VPS54: variants seen among roughly 807,000 people sequenced by gnomAD.
The protein encoded by VPS54 is vacuolar protein sorting-associated protein 54.
In VPS54, 45 loss-of-function variants were observed where a neutral mutation model predicts 121.5. That is an observed-to-expected ratio of 0.37 (90% CI 0.29 to 0.47). VPS54 has a LOEUF of 0.47. Ranked by LOEUF, VPS54 falls within the 20% of genes least tolerant of loss-of-function variation. The pLI is 0.99. For missense variants in VPS54, 1,090 were observed against 1,131.4 expected, an observed-to-expected ratio of 0.96 and a Z score of 0.52; for synonymous variants, 371 against 385.8, an observed-to-expected ratio of 0.96 and a Z score of 0.45.
At chr2:63,921,540 T>A (rs1168423402) in intron 12 of VPS54, among the ~76,000 whole-genome samples, 1 of 152,196 alleles carries the variant, frequency 6.6e-6, no homozygotes, top group Non-Finnish European at 1.5e-5. Flanking sequence ...TATTATTATT[T>A]GTTTTGAGAC....
intron 1 of VPS54, among the ~76,000 whole-genome samples, chr2:64,010,831 A>G (rs1176758317): frequency 6.6e-6 from 1 of 152,202 alleles, no homozygotes; most frequent in Non-Finnish European, 1.5e-5. Context: ...TCATATAAAT[A>G]AGTACTTCTA....
At chr2:64,005,205 G>A (rs1419774597) in intron 1 of VPS54, among the ~76,000 whole-genome samples, 5 of 131,804 alleles carry the variant, frequency 3.8e-5, no homozygotes, top group African/African-American at 5.7e-5. Flanking sequence ...CCAGGTTCAC[G>A]CCATTCTCCT....
chr2:64,014,961 GA>G (rs1456854773), intron 1 of VPS54, among the ~76,000 whole-genome samples: 10 of 151,668 alleles, frequency 6.6e-5, no homozygotes, highest in African/African-American at 1.7e-4. Context: ...GCTCATAGGG[GA>G]AAAAAAGATT....
intron 10 of VPS54, among the ~76,000 whole-genome samples, 166 bp downstream of exon 10, chr2:63,944,434 T>C (rs141890730): frequency 6.6e-6 from 1 of 152,326 alleles, no homozygotes; most frequent in African/African-American, 2.4e-5. Flanking sequence ...TTCTCCTCAA[T>C]TCTGTTAAGC....
At position 63,921,779 on chromosome 2, in the gene VPS54, A is replaced by G. The variant is rs1052210416; in HGVS notation, c.1740-444T>C. On this transcript the variant is annotated intron_variant, in intron 12 of 22. Coordinates refer to ENST00000272322, the MANE Select transcript of VPS54 (RefSeq NM_016516.3). The stretch of plus-strand genomic sequence containing the variant: ...TTTACAAGTGTGAGCCACTGTGCCC[A>G]TCCACAAATGTATTTTGTCATAACC... Among the ~76,000 whole-genome samples, 5 of 152,106 alleles carry G rather than the reference A, an allele frequency of 3.3e-5. No individual in the cohort carries two copies. The Admixed American group carries it at 3.3e-4, about 10-fold the overall frequency.
intron 11 of VPS54, among the ~76,000 whole-genome samples, chr2:63,935,602 T>C (rs547489605): frequency 6.6e-6 from 1 of 152,254 alleles, no homozygotes; most frequent in African/African-American, 2.4e-5. Context: ...TTTCCCATGG[T>C]ACAACAGCCA....
At chr2:63,967,788 G>A (rs192734580) in intron 5 of VPS54, among the ~76,000 whole-genome samples, 1 of 150,974 alleles carries the variant, frequency 6.6e-6, no homozygotes, top group Non-Finnish European at 1.5e-5. Context: ...AGGGATGAGG[G>A]AAGAGTCCCA....
At chr2:63,939,749 A>G (rs1674633104) in intron 11 of VPS54, among the ~76,000 whole-genome samples, 1 of 149,794 alleles carries the variant, frequency 6.7e-6, no homozygotes. Flanking sequence ...ACACTATATA[A>G]GTACATCTAC....
chr2:63,974,645 T>TTA (rs1252742272), intron 3 of VPS54, among the ~76,000 whole-genome samples: 1 of 152,208 alleles, frequency 6.6e-6, no homozygotes, highest in Non-Finnish European at 1.5e-5. Flanking sequence ...CAGATAGATC[T>TTA]TATATCTATT....
intron 1 of VPS54, among the ~76,000 whole-genome samples, chr2:63,998,472 GTCTTC>G (rs1677713776): frequency 6.6e-6 from 1 of 152,046 alleles, no homozygotes; most frequent in African/African-American, 2.4e-5. Flanking sequence ...TTGTTTCGTA[GTCTTC>G]TCTTCCTTCC....
At chr2:63,918,544 C>T (rs1293184704) in intron 15 of VPS54, among the ~76,000 whole-genome samples, 1 of 151,912 alleles carries the variant, frequency 6.6e-6, no homozygotes, top group African/African-American at 2.4e-5. Context: ...AATATCATAC[C>T]ATCAAGTAGA....
intron 7 of VPS54, among the ~76,000 whole-genome samples, chr2:63,951,637 A>G (rs1675249577): frequency 6.6e-6 from 1 of 152,164 alleles, no homozygotes; most frequent in African/African-American, 2.4e-5. Context: ...AAGTTTGGAT[A>G]AATTTTAACT....
At chr2:63,947,292 T>C in intron 9 of VPS54, 91 bp downstream of exon 9, 1 of 1,212,396 alleles carries the variant, frequency 8.2e-7, no homozygotes. Context: ...TATATTACTA[T>C]TACACTATAT....
intron 11 of VPS54, 36 bp from the exon 12 acceptor site, chr2:63,934,049 A>C (rs1384706689): frequency 1.3e-6 from 2 of 1,551,006 alleles, no homozygotes; most frequent in Non-Finnish European, 1.8e-6. Flanking sequence ...AAGGGACGTA[A>C]AATGTCTCTT....
At position 63,967,065 on chromosome 2, in the gene VPS54, T is replaced by C. The variant is rs910385154; in HGVS notation, c.493-1099A>G. On this transcript the variant is annotated intron_variant, in intron 5 of 22. Transcript: ENST00000272322. ...TTTATTTAGTATGCATATCTCCCTC[T>C]GGAGACCATATGTTCTTGCAGGGTT... 9.2e-5 allele frequency among the ~76,000 whole-genome samples: 14 copies of C among 152,346 alleles called. No homozygotes were observed. In the South Asian group the frequency reaches 2.9e-3, roughly 32 times the overall value.
chr2:63,948,539 G>C (rs560372017), intron 8 of VPS54, among the ~76,000 whole-genome samples: 1 of 149,792 alleles, frequency 6.7e-6, no homozygotes, highest in East Asian at 2.0e-4. Context: ...TGGGACTACA[G>C]GTGTGCATGC....
At chr2:63,932,952 G>A (rs777832947) in intron 12 of VPS54, among the ~76,000 whole-genome samples, 1 of 152,002 alleles carries the variant, frequency 6.6e-6, no homozygotes, top group Admixed American at 6.6e-5. Context: ...ATATACACCA[G>A]GTATCCAGGG....
rs1575962702 is a variant in VPS54 at position 63,962,380 on chromosome 2, C to T, written c.688G>A (p.Ala230Thr). 6.2e-7 allele frequency: 1 copy of T among 1,613,876 alleles called. No individual in the cohort carries two copies. Among genetic ancestry groups the T allele is most frequent in the Non-Finnish European group, 8.5e-7 (1 of 1,179,864 alleles). ...TGAGAGGTCATTGCATGAAAAAATGCTTCTGAACGTAGAGAGATCTGGTGA... is the reference window on the plus strand; with the variant it reads ...TGAGAGGTCATTGCATGAAAAAATGTTTCTGAACGTAGAGAGATCTGGTGA... ...IAHQISLRSEAFFHAMTSQHE... is the reference protein window; with the variant it reads ...IAHQISLRSETFFHAMTSQHE... The change falls in exon 7 of 23, where the codon GCA becomes ACA. Residue 230 changes from alanine to threonine, a missense_variant. Transcript: ENST00000272322.
At chr2:63,938,037 C>CGTGT (rs886579240) in intron 11 of VPS54, among the ~76,000 whole-genome samples, 1 of 97,724 alleles carries the variant, frequency 1.0e-5, no homozygotes, top group African/African-American at 4.0e-5. Flanking sequence ...AAAGTGGAAA[C>CGTGT]GTGTGTGTGT....
Sources: gnomAD v4.1 joint callset for allele counts (sites outside exome capture counted in the v4.1 genomes callset) on GRCh38, gnomAD v4.1.1 for gene constraint, MANE v1.5 for transcripts, NCBI Gene and HGNC (gene_info 2026-07-23, HGNC 2026-07-21) for gene names.